ANXA1: variants seen among roughly 807,000 people sequenced by gnomAD.
ANXA1 encodes annexin A1, also known as annexin I (lipocortin I).
A neutral mutation model predicts 47.9 loss-of-function variants in ANXA1; 39 were observed. The observed-to-expected ratio is 0.81, with a 90% CI of 0.63 to 1.06. The LOEUF (loss-of-function observed/expected upper bound fraction) is 1.06. ANXA1 is among the 50% of genes least tolerant of loss of function. ANXA1 has a pLI of 0.00. For synonymous variants in ANXA1, 146 were observed against 142.5 expected, an observed-to-expected ratio of 1.02 and a Z score of -0.17; for missense variants, 446 against 422.7, an observed-to-expected ratio of 1.06 and a Z score of -0.48.
At chr9:73,157,281 C>T (rs1007746637) in intron 1 of ANXA1, among the ~76,000 whole-genome samples, 5 of 152,122 alleles carry the variant, frequency 3.3e-5, no homozygotes, top group Admixed American at 2.0e-4. Context: ...GGAGAAATAT[C>T]ACCTGGATAT....
chr9:73,163,164 C>T (rs530449513), intron 7 of ANXA1, among the ~76,000 whole-genome samples: 24 of 152,142 alleles, frequency 1.6e-4, no homozygotes, highest in African/African-American at 5.3e-4. Flanking sequence ...AACCAGCTCT[C>T]GTGGTTCTCA....
At chr9:73,169,183 C>G (rs774606679) in intron 12 of ANXA1, 29 bp downstream of exon 12, 4 of 1,563,758 alleles carry the variant, frequency 2.6e-6, no homozygotes, top group Admixed American at 2.0e-5. Flanking sequence ...AATGCCATCC[C>G]AACAAATGAA....
intron 1 of ANXA1, among the ~76,000 whole-genome samples, chr9:73,156,159 A>AAATAAAT (rs1554673385): frequency 1.4e-5 from 2 of 147,020 alleles, no homozygotes; most frequent in African/African-American, 4.9e-5. Context: ...ATAAATAAAT[A>AAATAAAT]AATAAATAAA....
intron 7 of ANXA1, among the ~76,000 whole-genome samples, chr9:73,163,157 C>A (rs1185863850): frequency 6.6e-6 from 1 of 152,048 alleles, no homozygotes; most frequent in Non-Finnish European, 1.5e-5. Flanking sequence ...CGTTAACAAC[C>A]AGCTCTCGTG....
At chr9:73,159,555 C>A in intron 4 of ANXA1, 132 bp downstream of exon 4, 1 of 638,866 alleles carries the variant, frequency 1.6e-6, no homozygotes, top group Non-Finnish European at 2.6e-6. Flanking sequence ...ATTGGGATTG[C>A]AGTGTTTATC....
intron 6 of ANXA1, among the ~76,000 whole-genome samples, chr9:73,161,613 G>A (rs966172731): frequency 2.0e-5 from 3 of 151,974 alleles, no homozygotes; most frequent in Admixed American, 2.0e-4. Context: ...CTTTCTGCTT[G>A]ATTCTCATAC....
At chr9:73,166,227 T>A in intron 10 of ANXA1, 35 bp downstream of exon 10, 2 of 1,465,566 alleles carry the variant, frequency 1.4e-6, no homozygotes, top group South Asian at 1.2e-5. Context: ...GTTTTCTAAC[T>A]AGAAATTGTA....
chr9:73,156,460 A>G (rs1824050191), intron 1 of ANXA1, among the ~76,000 whole-genome samples: 1 of 152,210 alleles, frequency 6.6e-6, no homozygotes. Context: ...CTTTATCAGG[A>G]AGCAATTTTA....
At chr9:73,160,924 C>T in intron 6 of ANXA1, 31 bp downstream of exon 6, 2 of 1,429,086 alleles carry the variant, frequency 1.4e-6, no homozygotes, top group Non-Finnish European at 2.0e-6. Context: ...GTCCAAACGC[C>T]TTATTTGAAA....
rs1824224369 is a variant in ANXA1, at chr9:73,166,108, T to C, written c.718T>C (p.Tyr240His). ...AATTTAATATTCAGTGTTTCAGAAA[T>C]ACACCAAGTACAGTAAGCATGACAT... ...YPQLRRVFQK[Y>H]TKYSKHDMNK... Residue 240 changes from tyrosine to histidine, a missense_variant, in exon 10 of 13, where the codon TAC becomes CAC. By Grantham distance (83) the Tyr-to-His change is moderately conservative. Coordinates refer to ENST00000257497, the MANE Select transcript of ANXA1 (RefSeq NM_000700.3). 6.2e-7 allele frequency: 1 copy of C among 1,605,364 alleles called. No individual in the cohort carries two copies. Among genetic ancestry groups the C allele is most frequent in the African/African-American group, 1.3e-5 (1 of 74,530 alleles).
In ANXA1 at chr9:73,165,109, T is replaced by C; in HGVS notation, c.613-7T>C. On this transcript the variant is annotated splice_polypyrimidine_tract_variant and splice_region_variant and intron_variant, in intron 8 of 12. Transcript: ENST00000257497. Reference sequence around the variant, plus strand: ...AGTGAAGTGTTTACTTTTGTGTTTCTTGACAGGCCTTGTATGAAGCAGGAG... The same window carrying C: ...AGTGAAGTGTTTACTTTTGTGTTTCCTGACAGGCCTTGTATGAAGCAGGAG... 6.2e-7 allele frequency: 1 copy of C among 1,611,142 alleles called. No individual in the cohort carries two copies.
At chr9:73,165,285 G>A (rs903866354) in intron 9 of ANXA1, 76 bp downstream of exon 9, 2 of 1,177,160 alleles carry the variant, frequency 1.7e-6, no homozygotes, top group Admixed American at 3.8e-5. Context: ...ATAAGAGAAA[G>A]TAAAAACAGA....
chr9:73,160,606 T>A (rs1824123014), intron 5 of ANXA1, among the ~76,000 whole-genome samples, 197 bp from the exon 6 acceptor site: 1 of 152,224 alleles, frequency 6.6e-6, no homozygotes, highest in Non-Finnish European at 1.5e-5. Context: ...TTTGCATTTT[T>A]ATTTTTACCC....
rs1824094375 is a variant in ANXA1, at chr9:73,158,946, T to G, written c.175+143T>G. 9.7e-6 allele frequency: 7 copies of G among 722,410 alleles called. No individual in the cohort carries two copies. The South Asian group carries it at 1.1e-4, about 11-fold the overall frequency. The allele number at this position is 722,410 out of a possible 1,614,324, so 44.8% of individuals were successfully genotyped here. On this transcript the variant is annotated intron_variant, in intron 3 of 12. Transcript: ENST00000257497. ...ATTTCTTTGCCAAACGAAGATGTAA[T>G]TATTTACTTAACACTGAGGAAATTG... is the stretch of plus-strand genomic sequence containing the variant.
In ANXA1 at chr9:73,169,143, C is replaced by G; in HGVS notation, c.973C>G (p.Gln325Glu). The G allele has an allele frequency of 5.6e-6, 9 of 1,610,012 alleles. No individual in the cohort carries two copies. The highest frequency in any genetic ancestry group is 2.2e-5 in the East Asian group (1 of 44,808). ...GAAGATGTATGGTATCTCCCTTTGC[C>G]AAGCCATCCTGGTATGTTTTGATTC... ...YQKMYGISLC[Q>E]AILDETKGDY... Residue 325 changes from glutamine (Q) to glutamate (E), a missense_variant, in exon 12 of 13, where the codon CAA becomes GAA. By Grantham distance (29) the Gln-to-Glu change is conservative. Coordinates refer to ENST00000257497, the MANE Select transcript of ANXA1 (RefSeq NM_000700.3).
intron 1 of ANXA1, chr9:73,154,210 A>C: frequency 1.1e-6 from 1 of 883,628 alleles, no homozygotes; most frequent in Non-Finnish European, 1.6e-6. Context: ...AAGGTGTGGG[A>C]AGGACTTGTG....
intron 10 of ANXA1, 76 bp from the exon 11 acceptor site, chr9:73,167,421 A>G: frequency 7.2e-7 from 1 of 1,393,816 alleles, no homozygotes; most frequent in Non-Finnish European, 1.0e-6. Flanking sequence ...AAAATTCTAT[A>G]TTTCCTGTTT....
Position 73,163,540 on chromosome 9 carries a change from A to G in ANXA1, c.612+8A>G. On this transcript the variant is annotated splice_region_variant and intron_variant, in intron 8 of 12. Coordinates refer to ENST00000257497, the MANE Select transcript of ANXA1 (RefSeq NM_000700.3). ...GCTGATTCAGATGCCAGGGTAAGGA[A>G]GTGCTTACAAAATACTGCTGCAGTT... 1 of 1,612,406 alleles carries G rather than the reference A, an allele frequency of 6.2e-7. No homozygotes were observed. Among genetic ancestry groups the G allele is most frequent in the Non-Finnish European group, 8.5e-7 (1 of 1,178,900 alleles).
At chr9:73,163,642 CT>C in intron 8 of ANXA1, 110 bp downstream of exon 8, 1 of 1,061,224 alleles carries the variant, frequency 9.4e-7, no homozygotes, top group South Asian at 1.4e-5. Flanking sequence ...AGACCAATGG[CT>C]TCTTAATGTT....
Sources: gnomAD v4.1 joint callset for allele counts (sites outside exome capture counted in the v4.1 genomes callset) on GRCh38, gnomAD v4.1.1 for gene constraint, MANE v1.5 for transcripts, NCBI Gene and HGNC (gene_info 2026-07-23, HGNC 2026-07-21) for gene names.